SAMD5: variants seen among roughly 807,000 people sequenced by gnomAD.
The protein encoded by SAMD5 is sterile alpha motif domain-containing protein 5.
In SAMD5, 13 loss-of-function variants were observed where a neutral mutation model predicts 11.3. The ratio of observed to expected loss-of-function variants is 1.15; its 90% CI spans 0.75 to 1.83. The LOEUF (loss-of-function observed/expected upper bound fraction) is 1.83. Ranked by LOEUF, SAMD5 falls within the 40% of genes most tolerant of loss-of-function variation. The pLI is 0.00. For synonymous variants in SAMD5, 129 were observed against 111.3 expected (o/e 1.16, Z -1.00); for missense variants, 255 against 239.1 (o/e 1.07, Z -0.44).
At chr6:147,655,653 A>C (rs955854937) in intron 1 of SAMD5, among the ~76,000 whole-genome samples, 1 of 152,214 alleles carries the variant, frequency 6.6e-6, no homozygotes, top group Non-Finnish European at 1.5e-5. Flanking sequence ...TACAATATCT[A>C]CTTGATTCTC....
chr6:147,912,494 A>G, the SAMD5 span, among the ~76,000 whole-genome samples: 1 of 152,212 alleles, frequency 6.6e-6, no homozygotes, highest in South Asian at 2.1e-4. Context: ...ATAGAGCATA[A>G]AAGGGTAAAA....
At chr6:147,606,399 T>G (rs1179173480) in intron 1 of SAMD5, among the ~76,000 whole-genome samples, 1 of 151,274 alleles carries the variant, frequency 6.6e-6, no homozygotes, top group Non-Finnish European at 1.5e-5. Flanking sequence ...TAAATAAAAC[T>G]AAACAGAACA....
At chr6:147,666,635 GA>G (rs1790726149) in intron 1 of SAMD5, among the ~76,000 whole-genome samples, 1 of 152,092 alleles carries the variant, frequency 6.6e-6, no homozygotes, top group Non-Finnish European at 1.5e-5. Context: ...TTCTTTTTGT[GA>G]TCAGATTTAA....
At chr6:147,530,659 C>T (rs952206961) in intron 1 of SAMD5, among the ~76,000 whole-genome samples, 1 of 152,192 alleles carries the variant, frequency 6.6e-6, no homozygotes, top group Admixed American at 6.5e-5. Flanking sequence ...GAGAGGCAAA[C>T]CTTGCAGACA....
At chr6:147,846,107 T>C in the SAMD5 span, among the ~76,000 whole-genome samples, 1 of 150,338 alleles carries the variant, frequency 6.7e-6, no homozygotes, top group Non-Finnish European at 1.5e-5. Context: ...TTATGCTGAG[T>C]GAAAAAAAAA....
the SAMD5 span, among the ~76,000 whole-genome samples, chr6:147,906,006 A>G: frequency 6.6e-6 from 1 of 152,190 alleles, no homozygotes; most frequent in African/African-American, 2.4e-5. Context: ...ATCTCAGAAA[A>G]TGCTTTTTGA....
At chr6:147,880,550 G>T in the SAMD5 span, among the ~76,000 whole-genome samples, 3 of 152,208 alleles carry the variant, frequency 2.0e-5, no homozygotes, top group Admixed American at 6.5e-5. Context: ...GTGAAGCTTA[G>T]TAGAAAGAAT....
chr6:147,922,247 G>A, the SAMD5 span, among the ~76,000 whole-genome samples: 2 of 152,056 alleles, frequency 1.3e-5, no homozygotes, highest in East Asian at 1.9e-4. Flanking sequence ...TCTCCATGCC[G>A]TGAGCAAACC....
At chr6:147,829,090 A>G in the SAMD5 span, among the ~76,000 whole-genome samples, 89 of 152,376 alleles carry the variant, frequency 5.8e-4, 1 homozygote, top group African/African-American at 1.8e-3. Context: ...AAGGGAACCA[A>G]CTTACTTGCA....
intron 1 of SAMD5, among the ~76,000 whole-genome samples, chr6:147,699,913 T>C (rs1315662701): frequency 6.6e-6 from 1 of 152,216 alleles, no homozygotes; most frequent in Non-Finnish European, 1.5e-5. Context: ...AATTAAATGT[T>C]TTATATTTAA....
At chr6:147,837,858 C>T in the SAMD5 span, among the ~76,000 whole-genome samples, 1 of 152,208 alleles carries the variant, frequency 6.6e-6, no homozygotes, top group African/African-American at 2.4e-5. Flanking sequence ...TCGACTCAAA[C>T]GGTGAGTCAA....
At chr6:147,640,390 C>T (rs187058178) in intron 1 of SAMD5, among the ~76,000 whole-genome samples, 28 of 145,602 alleles carry the variant, frequency 1.9e-4, no homozygotes, top group African/African-American at 4.5e-4. Context: ...CCAGCTACTC[C>T]GGAGGCTGAG....
At chr6:147,897,502 A>T in the SAMD5 span, among the ~76,000 whole-genome samples, 1 of 152,172 alleles carries the variant, frequency 6.6e-6, no homozygotes, top group Non-Finnish European at 1.5e-5. Flanking sequence ...ACTGGAAATC[A>T]TGGTGTGGTG....
chr6:147,891,555 G>A, the SAMD5 span, among the ~76,000 whole-genome samples: 7 of 152,244 alleles, frequency 4.6e-5, no homozygotes, highest in Admixed American at 4.6e-4. Context: ...GAGATTAAAT[G>A]TGTAAGAGAA....
the SAMD5 span, among the ~76,000 whole-genome samples, chr6:147,756,365 G>T: frequency 2.6e-5 from 4 of 152,072 alleles, no homozygotes; most frequent in Non-Finnish European, 5.9e-5. Context: ...ATTATAATTT[G>T]ATTTGGATCC....
the SAMD5 span, among the ~76,000 whole-genome samples, chr6:147,754,347 CT>C: frequency 0.013 from 1,682 of 130,644 alleles, 17 homozygotes; most frequent in African/African-American, 0.019. Context: ...ATTTGTATGT[CT>C]TTTTTTTTTT....
the SAMD5 span, among the ~76,000 whole-genome samples, chr6:147,744,621 G>T: frequency 6.6e-6 from 1 of 152,198 alleles, no homozygotes. Flanking sequence ...ACCCAGGCTG[G>T]GCGCGGTGGC....
At chr6:147,773,528 C>G in the SAMD5 span, among the ~76,000 whole-genome samples, 1 of 152,162 alleles carries the variant, frequency 6.6e-6, no homozygotes, top group Non-Finnish European at 1.5e-5. Context: ...AATCCAAGCT[C>G]AAGGTGCTGG....
intron 1 of SAMD5, among the ~76,000 whole-genome samples, chr6:147,525,674 G>T (rs1407389528): frequency 1.3e-5 from 2 of 151,946 alleles, no homozygotes; most frequent in Non-Finnish European, 2.9e-5. Context: ...GAGCTATGGG[G>T]GTTGGTTACT....
Sources: gnomAD v4.1 joint callset for allele counts (sites outside exome capture counted in the v4.1 genomes callset) on GRCh38, gnomAD v4.1.1 for gene constraint, MANE v1.5 for transcripts, NCBI Gene and HGNC (gene_info 2026-07-23, HGNC 2026-07-21) for gene names.